Variants in CTDP1 observed in about 807,000 individuals in gnomAD.
The protein encoded by CTDP1 is CTD phosphatase 1, also known as RNA polymerase II subunit A C-terminal domain phosphatase.
A neutral mutation model predicts 91.8 loss-of-function variants in CTDP1; 47 were observed. The ratio of observed to expected loss-of-function variants is 0.51; its 90% CI spans 0.41 to 0.65. The LOEUF is 0.65. CTDP1 is among the 30% of genes least tolerant of loss of function. CTDP1 has a pLI of 0.00. For synonymous variants in CTDP1, 656 were observed against 598.5 expected, an observed-to-expected ratio of 1.10 and a Z score of -1.40; for missense variants, 1,272 against 1,373.7, an observed-to-expected ratio of 0.93 and a Z score of 1.17.
chr18:79,731,262 G>A (rs778283093), intron 11 of CTDP1, among the ~76,000 whole-genome samples: 2 of 152,312 alleles, frequency 1.3e-5, no homozygotes, highest in Non-Finnish European at 2.9e-5. Flanking sequence ...GAGGGGTGTC[G>A]AGATCTCTGG....
intron 5 of CTDP1, among the ~76,000 whole-genome samples, chr18:79,705,724 C>T (rs1382054754): frequency 6.6e-6 from 1 of 152,244 alleles, no homozygotes; most frequent in African/African-American, 2.4e-5. Context: ...GGTTGTTAGA[C>T]TGAGCATTTT....
intron 10 of CTDP1, among the ~76,000 whole-genome samples, chr18:79,728,636 C>T (rs1392066601): frequency 1.3e-5 from 2 of 152,154 alleles, no homozygotes; most frequent in African/African-American, 4.8e-5. Context: ...TGCTCTCTGC[C>T]CCACGGGGGT....
chr18:79,752,036 G>A (rs548450571), intron 12 of CTDP1, among the ~76,000 whole-genome samples: 1 of 152,334 alleles, frequency 6.6e-6, no homozygotes, highest in East Asian at 1.9e-4. Flanking sequence ...TTGGCGCAGT[G>A]GGACGTCCCA....
chr18:79,683,404 G>A (rs566660466), intron 1 of CTDP1, among the ~76,000 whole-genome samples: 53 of 152,230 alleles, frequency 3.5e-4, no homozygotes, highest in Non-Finnish European at 6.6e-4. Context: ...ATCCACAACT[G>A]CTTTTGTGGA....
rs1568178208 is a variant in CTDP1 at position 79,694,307 on chromosome 18, ACG to A, written c.315-917_315-916del. On this transcript the variant is annotated intron_variant, in intron 1 of 12. Coordinates refer to ENST00000613122, the MANE Select transcript of CTDP1 (RefSeq NM_004715.5). ...CTGAGTGCTGGGCGGTCTCATGTCC[ACG>A]GGGTGGGGTGGTCGGAGCAGCCCAG... 1.8e-3 allele frequency among the ~76,000 whole-genome samples: 106 copies of A among 59,062 alleles called. 1 individual carries two copies. Among genetic ancestry groups the A allele is most frequent in the African/African-American group, 6.4e-3 (96 of 15,110 alleles). 38.7% of individuals were successfully genotyped at this position (59,062 alleles called of 152,430 possible).
At position 79,689,348 on chromosome 18, in the gene CTDP1, A is replaced by G. The variant is rs538337828; in HGVS notation, c.315-5877A>G. 3.9e-5 allele frequency among the ~76,000 whole-genome samples: 6 copies of G among 152,254 alleles called. No individual in the cohort carries two copies. In the East Asian group the frequency reaches 9.6e-4, roughly 24 times the overall value. ...GAAAGAGATACTTTGTTACCACATA[A>G]ATACATTTGCACCAAGCTGACCCAC... On this transcript the variant is annotated intron_variant, in intron 1 of 12. Coordinates refer to ENST00000613122, the MANE Select transcript of CTDP1 (RefSeq NM_004715.5).
At chr18:79,731,410 C>T (rs1333364080) in intron 11 of CTDP1, among the ~76,000 whole-genome samples, 1 of 152,336 alleles carries the variant, frequency 6.6e-6, no homozygotes, top group East Asian at 1.9e-4. Context: ...CTCCCACCCA[C>T]ACTGACAAGG....
chr18:79,720,018 G>A lies in CTDP1; in HGVS notation c.2417+2002G>A, dbSNP rs186903807. Reference sequence around the variant, plus strand: ...TGTCATCTCCTGTCGTTAGGAAGGCGTCCTGGTGATGCTGTCACCTCCCAT... The same window carrying A: ...TGTCATCTCCTGTCGTTAGGAAGGCATCCTGGTGATGCTGTCACCTCCCAT... On this transcript the variant is annotated intron_variant, in intron 10 of 12. Transcript: ENST00000613122. Among the ~76,000 whole-genome samples the A allele has an allele frequency of 3.0e-3, 419 of 141,470 alleles. 5 individuals are homozygous for A. Among genetic ancestry groups the A allele is most frequent in the African/African-American group, 0.01 (382 of 37,300 alleles). The allele number at this position is 141,470 out of a possible 152,430, so 92.8% of individuals were successfully genotyped here.
chr18:79,692,276 C>A (rs2085641751), intron 1 of CTDP1, among the ~76,000 whole-genome samples: 1 of 152,022 alleles, frequency 6.6e-6, no homozygotes, highest in South Asian at 2.1e-4. Context: ...TGGAAGGTGC[C>A]CCCCGCCCGC....
At chr18:79,751,512 T>C (rs1177650012) in intron 12 of CTDP1, among the ~76,000 whole-genome samples, 2 of 152,216 alleles carry the variant, frequency 1.3e-5, no homozygotes, top group Non-Finnish European at 2.9e-5. Context: ...TGATCGGCTG[T>C]GTGTGCCAGC....
chr18:79,728,785 A>G, intron 10 of CTDP1, 122 bp from the exon 11 acceptor site: 2 of 809,736 alleles, frequency 2.5e-6, no homozygotes, highest in South Asian at 1.9e-5. Flanking sequence ...CGTTTTTCAT[A>G]CGTGTTCCCT....
intron 4 of CTDP1, among the ~76,000 whole-genome samples, chr18:79,704,544 A>G (rs569161489): frequency 4.2e-4 from 64 of 152,096 alleles, no homozygotes; most frequent in Middle Eastern, 6.8e-3. Context: ...GCAAACGTGT[A>G]TCCTCTGTCC....
intron 12 of CTDP1, among the ~76,000 whole-genome samples, chr18:79,750,501 T>C (rs1218378659): frequency 6.6e-6 from 1 of 151,374 alleles, no homozygotes; most frequent in African/African-American, 2.4e-5. Context: ...CTGCCTTTTT[T>C]TTTCCCCCCC....
Position 79,704,874 on chromosome 18 carries a change from C to T in CTDP1, c.729C>T (p.His243=), listed in dbSNP as rs35925235. The change falls in exon 5 of 13, where the codon CAC becomes CAT. Residue 243 remains histidine (H), a synonymous_variant. Coordinates refer to ENST00000613122, the MANE Select transcript of CTDP1 (RefSeq NM_004715.5). ...AGATCGCCAAGCTGTACGAGCTGCA[C>T]GTCTTCACCTTCGGCAGCCGGCTGT... is the stretch of plus-strand genomic sequence containing the variant. ...LEKIAKLYEL[H]VFTFGSRLYA... is the part of the protein sequence containing the mutation. The T allele has an allele frequency of 4.1e-3, 6,551 of 1,613,832 alleles. 227 individuals carry two copies. The African/African-American group carries it at 0.074, about 18-fold the overall frequency.
intron 11 of CTDP1, among the ~76,000 whole-genome samples, chr18:79,730,669 C>G (rs1324021056): frequency 6.6e-6 from 1 of 152,176 alleles, no homozygotes; most frequent in Admixed American, 6.5e-5. Flanking sequence ...GTTTTATGTT[C>G]GTGAATTTTT....
chr18:79,732,273 T>C (rs995128443), intron 11 of CTDP1, among the ~76,000 whole-genome samples: 6 of 146,356 alleles, frequency 4.1e-5, no homozygotes, highest in Non-Finnish European at 6.0e-5. Flanking sequence ...ATCACAGACA[T>C]GAGAACTCGC....
At position 79,736,447 on chromosome 18, in the gene CTDP1, A is replaced by G; in HGVS notation, c.2673A>G (p.Pro891=). 6.5e-7 allele frequency: 1 copy of G among 1,549,188 alleles called. No homozygotes were observed. Residue 891 remains proline, a synonymous_variant, in exon 12 of 13, where the codon CCA becomes CCG. Coordinates refer to ENST00000613122, the MANE Select transcript of CTDP1 (RefSeq NM_004715.5). ...AGGAGGAGCCCCAGCCCCGGAAGCC[A>G]GGGACCCGCAGGGAGCGGACGCTCG... The part of the protein sequence containing the change: ...EQEEEPQPRK[P]GTRRERTLGA...
intron 11 of CTDP1, 169 bp from the exon 12 acceptor site, chr18:79,736,186 G>A: frequency 1.2e-6 from 1 of 829,196 alleles, no homozygotes; most frequent in East Asian, 2.7e-5. Context: ...CCGGGGCTTT[G>A]TTAAGGATTG....
chr18:79,714,091 C>T (rs1029521541), intron 7 of CTDP1, among the ~76,000 whole-genome samples: 4 of 152,074 alleles, frequency 2.6e-5, no homozygotes, highest in Admixed American at 6.6e-5. Flanking sequence ...CTTACGGTCA[C>T]GGTGGCGCCA....
Sources: allele counts gnomAD v4.1 joint callset (sites outside exome capture counted in the v4.1 genomes callset), GRCh38; gene constraint gnomAD v4.1.1; transcripts MANE v1.5; gene names NCBI Gene and HGNC (gene_info 2026-07-23, HGNC 2026-07-21).